The following FIGLA variants were observed in gnomAD, a reference collection of about 807,000 sequenced individuals.
FIGLA encodes the protein factor in the germline alpha.
FIGLA carries 17 observed loss-of-function variants against 21.5 expected under a neutral mutation model. The observed-to-expected ratio is 0.79, with a 90% CI of 0.54 to 1.19. The LOEUF (loss-of-function observed/expected upper bound fraction) is 1.19, where lower values mean the gene tolerates loss of function less well. FIGLA is among the 50% of genes most tolerant of loss of function. The pLI, the probability that FIGLA is intolerant of heterozygous loss-of-function variation, is 0.00. For missense variants in FIGLA, 282 were observed against 285.0 expected, an observed-to-expected ratio of 0.99 and a Z score of 0.08; for synonymous variants, 129 against 117.6, an observed-to-expected ratio of 1.10 and a Z score of -0.63.
Position 70,785,564 on chromosome 2 carries a change from T to C in FIGLA, c.460A>G (p.Arg154Gly). ...SHTSSARQLS[R>G]NITQHISCAF... Reference sequence around the variant, plus strand: ...CAGCTGATATGTTGGGTGATGTTTCTTGACAGCTGTCTTGCCGAGGATGTA... The same window carrying C: ...CAGCTGATATGTTGGGTGATGTTTCCTGACAGCTGTCTTGCCGAGGATGTA... The change falls in exon 3 of 5, where the codon AGA becomes GGA. Residue 154 changes from arginine (R) to glycine (G), a missense_variant. Arg to Gly is a moderately radical substitution (Grantham distance 125). Coordinates refer to ENST00000332372, the MANE Select transcript of FIGLA (RefSeq NM_001004311.3). 2.5e-6 allele frequency: 4 copies of C among 1,614,062 alleles called. No homozygotes were observed. Among genetic ancestry groups the C allele is most frequent in the Non-Finnish European group, 3.4e-6 (4 of 1,179,906 alleles).
intron 3 of FIGLA, among the ~76,000 whole-genome samples, chr2:70,782,000 T>G (rs782557041): frequency 3.3e-5 from 5 of 152,228 alleles, no homozygotes; most frequent in Admixed American, 6.5e-5. Context: ...TGCGGAAAAC[T>G]GGGCTACGGA....
intron 3 of FIGLA, among the ~76,000 whole-genome samples, chr2:70,785,106 T>C (rs1675923184): frequency 6.6e-6 from 1 of 152,094 alleles, no homozygotes; most frequent in African/African-American, 2.4e-5. Flanking sequence ...TGGGGTTAAA[T>C]AGGATCATTT....
chr2:70,785,583 G>A lies in FIGLA; in HGVS notation c.441C>T (p.Ser147=), dbSNP rs1406798679. The change falls in exon 3 of 5, where the codon TCC becomes TCT. Residue 147 remains serine, a synonymous_variant. Transcript: ENST00000332372. The part of the protein sequence containing the change: ...YSNNSSESHT[S]SARQLSRNIT... Reference sequence around the variant, plus strand: ...TGTTTCTTGACAGCTGTCTTGCCGAGGATGTATGTGATTCAGAACTGTTGT... The same window carrying A: ...TGTTTCTTGACAGCTGTCTTGCCGAAGATGTATGTGATTCAGAACTGTTGT... 2 of 1,614,008 alleles carry A rather than the reference G, an allele frequency of 1.2e-6. No individual in the cohort carries two copies. Among genetic ancestry groups the A allele is most frequent in the Admixed American group, 1.7e-5 (1 of 60,028 alleles).
At chr2:70,788,721 C>A (rs782501807) in intron 1 of FIGLA, among the ~76,000 whole-genome samples, 11 of 152,116 alleles carry the variant, frequency 7.2e-5, no homozygotes, top group Non-Finnish European at 1.5e-4. Context: ...AATTAGATAC[C>A]ATTTTTTATG....
In FIGLA at chr2:70,785,507, G is replaced by T. The variant is rs201566337; in HGVS notation, c.517C>A (p.Pro173Thr). ...AFGLKNEEEGPWADGGSGEPA... is the reference protein window; with the variant it reads ...AFGLKNEEEGTWADGGSGEPA... ...TCACCACTGCCACCATCTGCCCAAG[G>T]CCCTTCCTCTTCATTCTTCAAGCCG... is the stretch of plus-strand genomic sequence containing the variant. The change falls in exon 3 of 5, where the codon CCT becomes ACT. Residue 173 changes from proline (P) to threonine (T), a missense_variant. Transcript: ENST00000332372. The T allele has an allele frequency of 5.0e-6, 8 of 1,613,874 alleles. No individual in the cohort carries two copies. The highest frequency in any genetic ancestry group is 1.6e-4 in the Middle Eastern group (1 of 6,082).
rs148141843 is a variant in FIGLA, at chr2:70,788,165, T to C, written c.232-364A>G. On this transcript the variant is annotated intron_variant, in intron 1 of 4. Coordinates refer to ENST00000332372, the MANE Select transcript of FIGLA (RefSeq NM_001004311.3). Reference sequence around the variant, plus strand: ...CAGGTCTATCATTTACAAGAGTGTGTGGAATACTTCACATCACTAAGCCTG... The same window carrying C: ...CAGGTCTATCATTTACAAGAGTGTGCGGAATACTTCACATCACTAAGCCTG... 1.4e-4 allele frequency among the ~76,000 whole-genome samples: 21 copies of C among 152,302 alleles called. No individual in the cohort carries two copies. The East Asian group carries it at 3.5e-3, about 25-fold the overall frequency.
At chr2:70,788,070 G>A (rs528158196) in intron 1 of FIGLA, among the ~76,000 whole-genome samples, 13 of 152,308 alleles carry the variant, frequency 8.5e-5, no homozygotes, top group African/African-American at 1.9e-4. Context: ...GAGCATACCC[G>A]CTGTATCATA....
At chr2:70,784,973 A>G (rs1675920116) in intron 3 of FIGLA, among the ~76,000 whole-genome samples, 1 of 151,832 alleles carries the variant, frequency 6.6e-6, no homozygotes, top group Non-Finnish European at 1.5e-5. Context: ...ATCACCAAAC[A>G]TGCATCTTTA....
intron 2 of FIGLA, among the ~76,000 whole-genome samples, 199 bp downstream of exon 2, chr2:70,787,450 C>G (rs1675976732): frequency 6.6e-6 from 1 of 152,144 alleles, no homozygotes; most frequent in African/African-American, 2.4e-5. Context: ...GGTTCAAATC[C>G]CAGTCCTGAC....
rs587776535 is a variant in FIGLA, at chr2:70,790,602, CGGCGCGGGGATCTAGGACGCCG to C, written c.15_36del (p.Gly6ArgfsTer66). On this transcript the variant is annotated frameshift_variant, in exon 1 of 5. Coordinates refer to ENST00000332372, the MANE Select transcript of FIGLA (RefSeq NM_001004311.3). LOFTEE classifies it high-confidence loss of function. ...GGGGTGCCCAGGAGCGCGGGCGGCG[CGGCGCGGGGATCTAGGACGCCG>C]GGCGCGGGGTCCATGGCAGGGCCGA... The C allele has an allele frequency of 1.1e-5, 16 of 1,469,566 alleles. No homozygotes were observed. Among genetic ancestry groups the C allele is most frequent in the South Asian group, 4.0e-5 (3 of 74,080 alleles). The allele number at this position is 1,469,566 out of a possible 1,614,324, so 91.0% of individuals were successfully genotyped here.
intron 1 of FIGLA, 126 bp from the exon 2 acceptor site, chr2:70,787,927 C>CTGTTTAGATTTG: frequency 1.1e-6 from 1 of 895,068 alleles, no homozygotes; most frequent in South Asian, 1.7e-5. Context: ...AGGCATATGC[C>CTGTTTAGATTTG]CCAAAGAGTC....
In FIGLA at chr2:70,787,774, T is replaced by C. The variant is rs555588922; in HGVS notation, c.259A>G (p.Arg87Gly). The change falls in exon 2 of 5, where the codon AGA (arginine) becomes GGA (glycine). Residue 87 changes from arginine to glycine, a missense_variant. Transcript: ENST00000332372. ...AGAAATGGCACAAGTGCCTTCAATC[T>C]GGCAAAACCACGGTTGAGATTTTTT... ...RIKNLNRGFA[R>G]LKALVPFLPQ... 10 of 1,612,794 alleles carry C rather than the reference T, an allele frequency of 6.2e-6. No individual in the cohort carries two copies. The Admixed American group carries it at 1.2e-4, about 19-fold the overall frequency.
chr2:70,781,173 C>T (rs1187506502), intron 3 of FIGLA, among the ~76,000 whole-genome samples: 4 of 151,956 alleles, frequency 2.6e-5, no homozygotes, highest in South Asian at 4.2e-4. Flanking sequence ...GAGGTTTTTG[C>T]GGAGGTACAG....
At chr2:70,783,056 CAAAAA>C (rs60009932) in intron 3 of FIGLA, among the ~76,000 whole-genome samples, 10 of 124,314 alleles carry the variant, frequency 8.0e-5, no homozygotes, top group Admixed American at 7.9e-5. Context: ...GACTCTGTCT[CAAAAA>C]AAAAAAAAAA....
At chr2:70,785,695 CT>C (rs1675941552) in intron 2 of FIGLA, 56 bp from the exon 3 acceptor site, 2 of 1,339,556 alleles carry the variant, frequency 1.5e-6, no homozygotes, top group Non-Finnish European at 2.1e-6. Flanking sequence ...ATTTTGATGA[CT>C]TAAACTAATA....
At chr2:70,784,934 AC>A (rs369475672) in intron 3 of FIGLA, among the ~76,000 whole-genome samples, 102 of 94,766 alleles carry the variant, frequency 1.1e-3, no homozygotes, top group African/African-American at 4.7e-3. Flanking sequence ...AACCAGCACC[AC>A]CCCCCACCAC....
In FIGLA at chr2:70,785,584, G is replaced by T; in HGVS notation, c.440C>A (p.Ser147Tyr). ...GTTTCTTGACAGCTGTCTTGCCGAG[G>T]ATGTATGTGATTCAGAACTGTTGTT... is the stretch of plus-strand genomic sequence containing the variant. ...YSNNSSESHT[S>Y]SARQLSRNIT... Residue 147 changes from serine (S) to tyrosine (Y), a missense_variant, in exon 3 of 5, where the codon TCC becomes TAC. Transcript: ENST00000332372. 6.2e-7 allele frequency: 1 copy of T among 1,613,994 alleles called. No individual in the cohort carries two copies. The highest frequency in any genetic ancestry group is 8.5e-7 in the Non-Finnish European group (1 of 1,179,878).
At chr2:70,787,969 A>G (rs1405987321) in intron 1 of FIGLA, among the ~76,000 whole-genome samples, 168 bp from the exon 2 acceptor site, 1 of 152,218 alleles carries the variant, frequency 6.6e-6, no homozygotes, top group African/African-American at 2.4e-5. Flanking sequence ...TTCATAGTAA[A>G]GGAAGAGGGA....
At chr2:70,779,991 G>A (rs1385875591) in intron 3 of FIGLA, among the ~76,000 whole-genome samples, 1 of 152,102 alleles carries the variant, frequency 6.6e-6, no homozygotes, top group Non-Finnish European at 1.5e-5. Flanking sequence ...TTTTAAACAG[G>A]CCTCTCCTGG....
Sources: allele counts gnomAD v4.1 joint callset (sites outside exome capture counted in the v4.1 genomes callset), GRCh38; gene constraint gnomAD v4.1.1; transcripts MANE v1.5; gene names NCBI Gene and HGNC (gene_info 2026-07-23, HGNC 2026-07-21).